Variants in EPB41L3 observed in about 807,000 individuals in gnomAD.
The protein encoded by EPB41L3 is band 4.1-like protein 3.
Under a neutral mutation model 127.1 loss-of-function variants are expected in EPB41L3, and 57 were observed. The ratio of observed to expected loss-of-function variants is 0.45; its 90% CI spans 0.36 to 0.56. The LOEUF is 0.56. Among genes scored for constraint, EPB41L3 ranks in the 20% least tolerant of loss-of-function variants. The pLI, the probability that EPB41L3 is intolerant of heterozygous loss-of-function variation, is 0.00. For synonymous variants in EPB41L3, 572 were observed against 549.5 expected (o/e 1.04, Z -0.57); for missense variants, 1,273 against 1,372.2 (o/e 0.93, Z 1.14).
chr18:5,502,736 T>C (rs2091852139), intron 1 of EPB41L3, among the ~76,000 whole-genome samples: 1 of 152,172 alleles, frequency 6.6e-6, no homozygotes, highest in African/African-American at 2.4e-5. Flanking sequence ...TCCTGGAAAG[T>C]GTCACAAGTT....
At chr18:5,495,435 G>A in intron 1 of EPB41L3, among the ~76,000 whole-genome samples, 1 of 141,506 alleles carries the variant, frequency 7.1e-6, no homozygotes, top group Non-Finnish European at 1.5e-5. Context: ...GAAACAGTAA[G>A]GCCACAGGCC....
At chr18:5,510,141 G>T (rs900507864) in intron 1 of EPB41L3, among the ~76,000 whole-genome samples, 7 of 152,204 alleles carry the variant, frequency 4.6e-5, no homozygotes, top group African/African-American at 1.7e-4. Context: ...TATAAAACTA[G>T]TATCAATGAC....
At chr18:5,566,874 C>T (rs1016739396) in intron 3 of EPB41L3, among the ~76,000 whole-genome samples, 22 of 151,852 alleles carry the variant, frequency 1.4e-4, no homozygotes, top group Admixed American at 2.0e-4. Context: ...GTGGCGCCAA[C>T]GGCTCACTGC....
At chr18:5,486,359 G>C (rs2089745528) in intron 2 of EPB41L3, among the ~76,000 whole-genome samples, 2 of 152,112 alleles carry the variant, frequency 1.3e-5, no homozygotes, top group Admixed American at 1.3e-4. Flanking sequence ...AATTAAAAAT[G>C]TAAGACCTGT....
At chr18:5,398,179 A>C in intron 16 of EPB41L3, 36 bp from the exon 17 acceptor site, 5 of 1,611,212 alleles carry the variant, frequency 3.1e-6, no homozygotes, top group Non-Finnish European at 4.2e-6. Flanking sequence ...CAAGCACAAA[A>C]GAGAGACACA....
chr18:5,482,628 T>C (rs1428534235), intron 2 of EPB41L3, among the ~76,000 whole-genome samples: 3 of 151,376 alleles, frequency 2.0e-5, no homozygotes, highest in Admixed American at 6.6e-5. Context: ...AAATAACAGG[T>C]AAAGGAGCTC....
intron 8 of EPB41L3, among the ~76,000 whole-genome samples, chr18:5,432,749 C>T (rs2079169371): frequency 6.6e-6 from 1 of 152,188 alleles, no homozygotes; most frequent in African/African-American, 2.4e-5. Flanking sequence ...AACCCAAATT[C>T]TTTGTACCCA....
chr18:5,573,062 A>T (rs1380822010), intron 3 of EPB41L3, among the ~76,000 whole-genome samples: 3 of 152,232 alleles, frequency 2.0e-5, no homozygotes, highest in Non-Finnish European at 4.4e-5. Flanking sequence ...GAAGAAAGTA[A>T]GTTTCTACGG....
intron 3 of EPB41L3, among the ~76,000 whole-genome samples, chr18:5,445,736 G>A (rs2081377542): frequency 6.6e-6 from 1 of 152,246 alleles, no homozygotes. Context: ...TGCACAGCAA[G>A]AGGTGGGTGG....
chr18:5,592,382 G>C (rs1243449238), intron 3 of EPB41L3, among the ~76,000 whole-genome samples: 2 of 152,146 alleles, frequency 1.3e-5, no homozygotes, highest in African/African-American at 2.4e-5. Flanking sequence ...GGTCAGGCTG[G>C]TTTCGAACTC....
chr18:5,627,060 T>C (rs1244314740), intron 1 of EPB41L3, among the ~76,000 whole-genome samples: 1 of 152,120 alleles, frequency 6.6e-6, no homozygotes, highest in East Asian at 1.9e-4. Context: ...AGGCTGACCT[T>C]CCGCGGACTT....
intron 11 of EPB41L3, chr18:5,420,112 T>G: frequency 1.3e-6 from 1 of 747,122 alleles, no homozygotes; most frequent in Non-Finnish European, 2.1e-6. Flanking sequence ...CTGTATTTCC[T>G]ATATGAGTGC....
chr18:5,459,729 T>C (rs1037530124), intron 3 of EPB41L3, among the ~76,000 whole-genome samples: 1 of 152,160 alleles, frequency 6.6e-6, no homozygotes, highest in Non-Finnish European at 1.5e-5. Context: ...ATAATATCAG[T>C]GTGTAACAGA....
At chr18:5,398,384 A>G (rs1395666474) in intron 16 of EPB41L3, 6 of 512,008 alleles carry the variant, frequency 1.2e-5, no homozygotes, top group Non-Finnish European at 2.0e-5. Context: ...GCAGATATAT[A>G]TATTTTTTCC....
chr18:5,397,249 G>GCTC lies in EPB41L3; in HGVS notation c.2649_2650insGAG (p.Gln883_Pro884insGlu). On this transcript the variant is annotated inframe_insertion, in exon 18 of 23. Transcript: ENST00000341928. The surrounding 1 kb of genome is among the most constrained non-coding windows in gnomAD (Gnocchi z 4.1). Reference sequence around the variant, plus strand: ...TTCCCTTTAATGCCTGTGAATGCGGGCTGTGCTGCAGCATCCCCGCTGTCT... The same window carrying GCTC: ...TTCCCTTTAATGCCTGTGAATGCGGGCTCCTGTGCTGCAGCATCCCCGCTGTCT... The GCTC allele has an allele frequency of 6.2e-7, 1 of 1,614,096 alleles. No homozygotes were observed. The highest frequency in any genetic ancestry group is 8.5e-7 in the Non-Finnish European group (1 of 1,180,036).
At chr18:5,442,366 A>C (rs1003374310) in intron 5 of EPB41L3, among the ~76,000 whole-genome samples, 20 of 152,152 alleles carry the variant, frequency 1.3e-4, no homozygotes, top group Non-Finnish European at 2.6e-4. Flanking sequence ...ATTTCCCTCA[A>C]ACATACGGTA....
At chr18:5,533,463 G>GTAGT (rs1598741850) in intron 1 of EPB41L3, among the ~76,000 whole-genome samples, 2 of 152,286 alleles carry the variant, frequency 1.3e-5, no homozygotes, top group East Asian at 3.9e-4. Flanking sequence ...ATTTACCATT[G>GTAGT]ATATGAATGT....
intron 3 of EPB41L3, 115 bp downstream of exon 3, chr18:5,478,126 G>A: frequency 1.2e-6 from 1 of 828,922 alleles, no homozygotes; most frequent in Non-Finnish European, 1.9e-6. Context: ...TTAGAGACTG[G>A]GTTTGAGTAA....
intron 3 of EPB41L3, among the ~76,000 whole-genome samples, chr18:5,565,869 G>T (rs2094192386): frequency 6.6e-6 from 1 of 151,822 alleles, no homozygotes. Context: ...CTTAATCCAT[G>T]ATTATCTCAA....
Sources: allele counts gnomAD v4.1 joint callset (sites outside exome capture counted in the v4.1 genomes callset), GRCh38; gene constraint gnomAD v4.1.1; non-coding constraint Gnocchi (gnomAD v3.1); transcripts MANE v1.5; gene names NCBI Gene and HGNC (gene_info 2026-07-23, HGNC 2026-07-21).